Variants in ERAP1 observed in about 807,000 individuals in gnomAD.
The protein encoded by ERAP1 is adipocyte-derived leucine aminopeptidase.
In ERAP1, 86 loss-of-function variants were observed where a neutral mutation model predicts 103.7. That is an observed-to-expected ratio of 0.83 (90% CI 0.70 to 0.99). The LOEUF (loss-of-function observed/expected upper bound fraction) is 0.99, where lower values mean the gene tolerates loss of function less well. Ranked by LOEUF, ERAP1 falls within the 50% of genes least tolerant of loss-of-function variation. ERAP1 has a pLI of 0.00. For missense variants in ERAP1, 1,009 were observed against 1,128.4 expected (o/e 0.89, Z 1.52); for synonymous variants, 398 against 402.4 (o/e 0.99, Z 0.13).
chr5:96,885,532 A>C, the ERAP1 span, among the ~76,000 whole-genome samples: 1 of 152,258 alleles, frequency 6.6e-6, no homozygotes, highest in Non-Finnish European at 1.5e-5. Context: ...TGTAGAATTT[A>C]GTAGCAAAAA....
At chr5:96,882,998 GT>G in the ERAP1 span, among the ~76,000 whole-genome samples, 10 of 152,122 alleles carry the variant, frequency 6.6e-5, no homozygotes, top group Non-Finnish European at 1.3e-4. Context: ...GCATATCCTG[GT>G]GTTGGGGTAG....
At chr5:96,818,087 C>CA in the ERAP1 span, among the ~76,000 whole-genome samples, 1 of 151,974 alleles carries the variant, frequency 6.6e-6, no homozygotes, top group Non-Finnish European at 1.5e-5. Flanking sequence ...TAATTAAGAA[C>CA]AAAAAATAAT....
At chr5:96,781,389 A>T (rs1775149262) in intron 16 of ERAP1, among the ~76,000 whole-genome samples, 191 bp from the exon 17 acceptor site, 1 of 152,184 alleles carries the variant, frequency 6.6e-6, no homozygotes, top group Admixed American at 6.5e-5. Flanking sequence ...TATAGTGTTC[A>T]TAACACCCAT....
At chr5:96,901,554 T>C in the ERAP1 span, 2 of 1,613,976 alleles carry the variant, frequency 1.2e-6, no homozygotes, top group South Asian at 1.1e-5. Context: ...GATGACTACA[T>C]GGACTCTCCA....
the ERAP1 span, among the ~76,000 whole-genome samples, chr5:96,908,535 G>A: frequency 6.6e-6 from 1 of 152,114 alleles, no homozygotes; most frequent in African/African-American, 2.4e-5. Context: ...CAATGTACTT[G>A]GAGAAACAAG....
At chr5:96,890,427 C>T in the ERAP1 span, among the ~76,000 whole-genome samples, 9 of 152,268 alleles carry the variant, frequency 5.9e-5, no homozygotes, top group South Asian at 4.1e-4. Context: ...TCTCGCCCAC[C>T]GCTCACCTCC....
chr5:96,892,369 G>T, the ERAP1 span: 6 of 1,614,002 alleles, frequency 3.7e-6, no homozygotes, highest in Middle Eastern at 1.7e-4. Flanking sequence ...ATAGGGAGAC[G>T]TCACTGCTTT....
At chr5:96,819,869 A>G in the ERAP1 span, among the ~76,000 whole-genome samples, 1 of 152,260 alleles carries the variant, frequency 6.6e-6, no homozygotes, top group East Asian at 1.9e-4. Flanking sequence ...ATAGACTTCA[A>G]GCACCTATGG....
At chr5:96,814,260 G>A in the ERAP1 span, 1 of 456,208 alleles carries the variant, frequency 2.2e-6, no homozygotes, top group Non-Finnish European at 4.4e-6. Context: ...GATATGACTA[G>A]TTCCTTGCCA....
chr5:96,764,778 A>G (rs756295789), intron 19 of ERAP1, among the ~76,000 whole-genome samples: 1 of 152,188 alleles, frequency 6.6e-6, no homozygotes, highest in Non-Finnish European at 1.5e-5. Context: ...CTTGCTTCCT[A>G]ACCATCTGAC....
At chr5:96,780,934 C>G in intron 17 of ERAP1, 124 bp downstream of exon 17, 1 of 1,103,870 alleles carries the variant, frequency 9.1e-7, no homozygotes, top group Non-Finnish European at 1.4e-6. Flanking sequence ...TTAGGTATTT[C>G]TACTGCCTAT....
At chr5:96,856,467 A>G in the ERAP1 span, among the ~76,000 whole-genome samples, 3 of 149,652 alleles carry the variant, frequency 2.0e-5, no homozygotes, top group African/African-American at 7.4e-5. Flanking sequence ...TTTTAGTACA[A>G]TGCTGTTTGA....
At position 96,803,331 on chromosome 5, in the gene ERAP1, C is replaced by T. The variant is rs73148306; in HGVS notation, c.524+72G>A. Reference sequence around the variant, plus strand: ...CAACAGCAAAGGGAATTTTAAAAGACAATCAATCTGAAATAATGAATTTAG... The same window carrying T: ...CAACAGCAAAGGGAATTTTAAAAGATAATCAATCTGAAATAATGAATTTAG... On this transcript the variant is annotated intron_variant, in intron 2 of 18. Coordinates refer to ENST00000443439, the MANE Select transcript of ERAP1 (RefSeq NM_001040458.3). 6.3e-3 allele frequency: 9,280 copies of T among 1,472,604 alleles called. 484 individuals carry two copies. The African/African-American group carries it at 0.11, about 18-fold the overall frequency. The allele number at this position is 1,472,604 out of a possible 1,614,324, so 91.2% of individuals were successfully genotyped here.
intron 10 of ERAP1, among the ~76,000 whole-genome samples, chr5:96,789,253 G>C (rs1581584183): frequency 6.6e-6 from 1 of 152,206 alleles, no homozygotes; most frequent in African/African-American, 2.4e-5. Flanking sequence ...TTCGGAGTCT[G>C]AGTTGGGTGG....
chr5:96,816,107 A>C, the ERAP1 span, among the ~76,000 whole-genome samples: 1 of 152,182 alleles, frequency 6.6e-6, no homozygotes, highest in Non-Finnish European at 1.5e-5. Flanking sequence ...GCCAGCACTA[A>C]AAACTGGGCA....
At chr5:96,934,283 G>A in the ERAP1 span, 1 of 152,216 alleles carries the variant, frequency 6.6e-6, no homozygotes, top group South Asian at 2.1e-4. Flanking sequence ...TCTTTATAGA[G>A]TGTTTGTGGC....
chr5:96,837,368 G>A, the ERAP1 span, among the ~76,000 whole-genome samples: 1 of 152,156 alleles, frequency 6.6e-6, no homozygotes, highest in Non-Finnish European at 1.5e-5. Flanking sequence ...CCTACATTAG[G>A]TCAGTAGTTA....
the ERAP1 span, among the ~76,000 whole-genome samples, chr5:96,815,407 G>GTTTTTTTTTTTTTTTT: frequency 1.9e-5 from 2 of 105,490 alleles, no homozygotes; most frequent in Non-Finnish European, 2.1e-5. Context: ...TGTTTGTTTT[G>GTTTTTTTTTTTTTTTT]TTTTTTATTT....
chr5:96,783,212 C>G lies in ERAP1; in HGVS notation c.2124G>C (p.Arg708Ser). Residue 708 changes from arginine to serine, a missense_variant, in exon 15 of 19, where the codon AGG (arginine) becomes AGC (serine). Around this residue, in one of 3 missense-constraint regions of ERAP1, gnomAD observed 611 missense variants for 651.7 expected, o/e 0.94. Coordinates refer to ENST00000443439, the MANE Select transcript of ERAP1 (RefSeq NM_001040458.3). ...TCCATGTCTGCTTATCAATGAGGTCCCTTAGCAGCCTGATGAGGAAGGCCT... is the reference window on the plus strand; with the variant it reads ...TCCATGTCTGCTTATCAATGAGGTCGCTTAGCAGCCTGATGAGGAAGGCCT... ...QFKAFLIRLL[R>S]DLIDKQTWTD... The G allele has an allele frequency of 6.2e-7, 1 of 1,612,120 alleles. No homozygotes were observed. The highest frequency in any genetic ancestry group is 1.7e-4 in the Middle Eastern group (1 of 6,052).
Sources: allele counts gnomAD v4.1 joint callset (sites outside exome capture counted in the v4.1 genomes callset), GRCh38; gene constraint gnomAD v4.1.1; regional missense constraint gnomAD v4.1.1; transcripts MANE v1.5; gene names NCBI Gene and HGNC (gene_info 2026-07-23, HGNC 2026-07-21).